Variants in GLIS3 observed in about 807,000 individuals in gnomAD.
GLIS3 encodes zinc finger protein GLIS3.
Under a neutral mutation model 78.6 loss-of-function variants are expected in GLIS3, and 53 were observed. That is an observed-to-expected ratio of 0.67 (90% CI 0.54 to 0.85). GLIS3 has a LOEUF of 0.85. Among genes scored for constraint, GLIS3 ranks in the 40% least tolerant of loss-of-function variants. The pLI is 0.00. For synonymous variants in GLIS3, 684 were observed against 509.9 expected, an observed-to-expected ratio of 1.34 and a Z score of -4.60; for missense variants, 1,703 against 1,231.1, an observed-to-expected ratio of 1.38 and a Z score of -5.74.
At chr9:4,340,373 G>T (rs1444334063) in intron 2 of GLIS3, among the ~76,000 whole-genome samples, 1 of 151,700 alleles carries the variant, frequency 6.6e-6, no homozygotes, top group Non-Finnish European at 1.5e-5. Context: ...TAGAAGTGAG[G>T]GGGTGGGGGA....
intron 2 of GLIS3, among the ~76,000 whole-genome samples, chr9:4,320,618 T>C (rs1235301411): frequency 6.6e-6 from 1 of 152,030 alleles, no homozygotes; most frequent in Non-Finnish European, 1.5e-5. Flanking sequence ...AATACCACCA[T>C]TACCACCTAC....
chr9:3,856,039 A>G lies in GLIS3; in HGVS notation c.2443T>C (p.Ser815Pro), dbSNP rs1282032820. 1 of 1,614,058 alleles carries G rather than the reference A, an allele frequency of 6.2e-7. No homozygotes were observed. The highest frequency in any genetic ancestry group is 8.5e-7 in the Non-Finnish European group (1 of 1,180,000). ...ACATGGATACCATTTGGTTGAAAAG[A>G]AGAGTTTGTTTCTGGCTGATAGGAC... Reference protein sequence around the residue: ...LKSYQPETNSSFQPNGIHVHG... With the variant: ...LKSYQPETNSPFQPNGIHVHG... Residue 815 changes from serine (S) to proline (P), a missense_variant, in exon 9 of 11, where the codon TCT (serine) becomes CCT (proline). Physicochemically the swap from Ser to Pro is moderately conservative, Grantham distance 74. Transcript: ENST00000381971.
At chr9:4,180,859 A>G (rs1020980856) in intron 2 of GLIS3, among the ~76,000 whole-genome samples, 8 of 152,140 alleles carry the variant, frequency 5.3e-5, no homozygotes, top group African/African-American at 1.9e-4. Context: ...GCTCCGATCC[A>G]CCCAAGCACA....
chr9:4,449,404 C>G, the GLIS3 span, among the ~76,000 whole-genome samples: 3 of 152,212 alleles, frequency 2.0e-5, no homozygotes, highest in East Asian at 5.8e-4. Flanking sequence ...CATAGTTGAA[C>G]AAAAGGCAGC....
intron 4 of GLIS3, among the ~76,000 whole-genome samples, chr9:4,076,884 C>T (rs1158366152): frequency 6.6e-6 from 1 of 152,150 alleles, no homozygotes; most frequent in Admixed American, 6.5e-5. Context: ...TGGCAAAACC[C>T]TGTCTCTATC....
At chr9:3,917,808 C>T (rs1748484846) in intron 6 of GLIS3, among the ~76,000 whole-genome samples, 1 of 152,074 alleles carries the variant, frequency 6.6e-6, no homozygotes, top group Admixed American at 6.5e-5. Context: ...CATAGTTGCT[C>T]CTTGAAAATT....
intron 4 of GLIS3, among the ~76,000 whole-genome samples, chr9:3,984,664 T>C (rs575897496): frequency 4.5e-4 from 69 of 152,276 alleles, no homozygotes; most frequent in Middle Eastern, 3.4e-3. Context: ...TGGGAAGGCA[T>C]GATTGATTTT....
rs1817924953 is a variant in GLIS3 at position 3,829,511 on chromosome 9, ATTGAGCACAAGTTCCT to A, written c.2474-35_2474-20del. The A allele has an allele frequency of 6.2e-7, 1 of 1,613,688 alleles. No individual in the cohort carries two copies. The highest frequency in any genetic ancestry group is 1.7e-5 in the Admixed American group (1 of 60,000). On this transcript the variant is annotated intron_variant, in intron 9 of 10. Coordinates refer to ENST00000381971, the MANE Select transcript of GLIS3 (RefSeq NM_001042413.2). ...TAAAATCCTGAAACGCAAGCATGGC[ATTGAGCACAAGTTCCT>A]TTGGGCACAAGTTCCACAGATCATT...
At chr9:3,900,343 T>C (rs1009598749) in intron 6 of GLIS3, among the ~76,000 whole-genome samples, 3 of 152,096 alleles carry the variant, frequency 2.0e-5, no homozygotes, top group African/African-American at 7.2e-5. Flanking sequence ...GAGGCATTGT[T>C]CAACAATGTT....
intron 4 of GLIS3, among the ~76,000 whole-genome samples, chr9:4,025,430 C>T (rs1188889529): frequency 6.6e-6 from 1 of 152,028 alleles, no homozygotes; most frequent in African/African-American, 2.4e-5. Flanking sequence ...CCTCTGTGGC[C>T]AGGCTGGAGT....
chr9:4,008,436 C>T (rs1429429056), intron 4 of GLIS3, among the ~76,000 whole-genome samples: 1 of 152,144 alleles, frequency 6.6e-6, no homozygotes, highest in Non-Finnish European at 1.5e-5. Flanking sequence ...TGTGTTTGTT[C>T]AAAATGCTCC....
chr9:4,444,156 G>T, the GLIS3 span, among the ~76,000 whole-genome samples: 2 of 152,170 alleles, frequency 1.3e-5, no homozygotes, highest in Admixed American at 1.3e-4. Flanking sequence ...TTTGAAATGT[G>T]ATCCAGTTTT....
At chr9:4,450,114 A>G in the GLIS3 span, among the ~76,000 whole-genome samples, 4 of 152,192 alleles carry the variant, frequency 2.6e-5, no homozygotes, top group African/African-American at 9.7e-5. Context: ...AGATAAGATG[A>G]ATGGCTAACT....
At chr9:3,833,537 C>T (rs1818173252) in intron 9 of GLIS3, among the ~76,000 whole-genome samples, 1 of 149,188 alleles carries the variant, frequency 6.7e-6, no homozygotes, top group African/African-American at 2.5e-5. Flanking sequence ...GGCGTAAAAC[C>T]TGAGAGTGGT....
At chr9:4,319,738 C>A (rs1817494753) in intron 2 of GLIS3, among the ~76,000 whole-genome samples, 1 of 152,046 alleles carries the variant, frequency 6.6e-6, no homozygotes, top group Non-Finnish European at 1.5e-5. Flanking sequence ...CTATGTTGCC[C>A]AGGATGGTTT....
the GLIS3 span, among the ~76,000 whole-genome samples, chr9:4,432,930 G>C: frequency 6.6e-6 from 1 of 152,080 alleles, no homozygotes; most frequent in Non-Finnish European, 1.5e-5. Flanking sequence ...TCACAGGTGT[G>C]AGCTACCACA....
chr9:4,046,068 AT>A (rs1825223747), intron 4 of GLIS3, among the ~76,000 whole-genome samples: 1 of 152,144 alleles, frequency 6.6e-6, no homozygotes, highest in Non-Finnish European at 1.5e-5. Flanking sequence ...GCCTAAGCTC[AT>A]TTTTCCCTTC....
chr9:4,451,091 A>G, the GLIS3 span, among the ~76,000 whole-genome samples: 4 of 152,244 alleles, frequency 2.6e-5, no homozygotes, highest in African/African-American at 9.6e-5. Flanking sequence ...AGTGTGCTGT[A>G]TTCAGGAAAC....
chr9:4,167,176 A>G (rs1252223124), intron 2 of GLIS3, among the ~76,000 whole-genome samples: 2 of 152,206 alleles, frequency 1.3e-5, no homozygotes, highest in African/African-American at 4.8e-5. Context: ...GAGTTGCCCA[A>G]GAGCAAAGCT....
Sources: gnomAD v4.1 joint callset for allele counts (sites outside exome capture counted in the v4.1 genomes callset) on GRCh38, gnomAD v4.1.1 for gene constraint, MANE v1.5 for transcripts, NCBI Gene and HGNC (gene_info 2026-07-23, HGNC 2026-07-21) for gene names.